The following RBFOX1 variants were observed in gnomAD, a reference collection of about 807,000 sequenced individuals.
RBFOX1 encodes the protein RNA binding fox-1 homolog 1.
RBFOX1 carries 8 observed loss-of-function variants against 57.7 expected under a neutral mutation model. The ratio of observed to expected loss-of-function variants is 0.14; its 90% CI spans 0.08 to 0.25. The LOEUF (loss-of-function observed/expected upper bound fraction) is 0.25. Among genes scored for constraint, RBFOX1 ranks in the 10% least tolerant of loss-of-function variants. The probability of loss-of-function intolerance (pLI) is 1.00; values close to 1 mark genes in which losing one functional copy is unlikely to be tolerated. For missense variants in RBFOX1, 611 were observed against 548.5 expected (o/e 1.11, Z -1.14); for synonymous variants, 326 against 222.4 (o/e 1.47, Z -4.15).
At chr16:6,505,628 T>C (rs7500875) in intron 2 of RBFOX1, among the ~76,000 whole-genome samples, 125,063 of 152,074 alleles carry the variant, frequency 0.82, 51,891 homozygotes, top group Non-Finnish European at 0.88. Flanking sequence ...GGTATTGATT[T>C]AATCCTCAAG....
chr16:5,578,768 C>A (rs904814753), intron 2 of RBFOX1, among the ~76,000 whole-genome samples: 1 of 151,876 alleles, frequency 6.6e-6, no homozygotes, highest in Admixed American at 6.6e-5. Context: ...AAAAATATCT[C>A]CACCGGGCCA....
intron 3 of RBFOX1, among the ~76,000 whole-genome samples, chr16:5,747,868 G>C (rs956136677): frequency 2.6e-5 from 4 of 151,956 alleles, no homozygotes; most frequent in African/African-American, 4.8e-5. Context: ...TTGTGTCTCT[G>C]TTTCCTTCAG....
chr16:6,105,082 G>A (rs895330810), intron 1 of RBFOX1, among the ~76,000 whole-genome samples: 3 of 152,172 alleles, frequency 2.0e-5, no homozygotes, highest in African/African-American at 4.8e-5. Flanking sequence ...AGCCAAGAAG[G>A]AGATGGTGAC....
chr16:7,108,180 G>A (rs556729956), intron 4 of RBFOX1, among the ~76,000 whole-genome samples: 1 of 152,224 alleles, frequency 6.6e-6, no homozygotes, highest in African/African-American at 2.4e-5. Flanking sequence ...TTTAATCTCT[G>A]ATGGTTCAGA....
chr16:6,558,815 G>C (rs2097140131), intron 2 of RBFOX1, among the ~76,000 whole-genome samples: 1 of 115,506 alleles, frequency 8.7e-6, no homozygotes, highest in Non-Finnish European at 1.6e-5. Flanking sequence ...ACTAGCTCTT[G>C]CCTTACCGCC....
intron 3 of RBFOX1, among the ~76,000 whole-genome samples, chr16:5,628,976 G>A (rs75593809): frequency 2.4e-4 from 37 of 152,326 alleles, no homozygotes; most frequent in Non-Finnish European, 4.1e-4. Context: ...AATGTCAACA[G>A]AGTAAACTGT....
At chr16:7,296,488 G>A (rs1396358995) in intron 4 of RBFOX1, among the ~76,000 whole-genome samples, 1 of 152,054 alleles carries the variant, frequency 6.6e-6, no homozygotes, top group Non-Finnish European at 1.5e-5. Flanking sequence ...AATCATTATA[G>A]TTCTGTAAGG....
intron 4 of RBFOX1, among the ~76,000 whole-genome samples, chr16:7,160,730 T>G (rs1264567133): frequency 1.3e-5 from 2 of 152,040 alleles, no homozygotes; most frequent in African/African-American, 4.8e-5. Context: ...TCAGGCAGTT[T>G]CTTAACATAG....
chr16:6,587,830 C>T (rs2097651768), intron 2 of RBFOX1, among the ~76,000 whole-genome samples: 1 of 152,176 alleles, frequency 6.6e-6, no homozygotes, highest in Non-Finnish European at 1.5e-5. Flanking sequence ...GTGACATTTA[C>T]TTTCTCTTTC....
intron 3 of RBFOX1, among the ~76,000 whole-genome samples, chr16:6,863,104 G>C (rs776208636): frequency 1.3e-5 from 2 of 152,122 alleles, no homozygotes; most frequent in Non-Finnish European, 2.9e-5. Context: ...GATTTTTACA[G>C]ATTATTGGTG....
At chr16:6,458,309 C>T (rs541345565) in intron 2 of RBFOX1, among the ~76,000 whole-genome samples, 1 of 152,184 alleles carries the variant, frequency 6.6e-6, no homozygotes, top group South Asian at 2.1e-4. Context: ...CCTGTGTTCT[C>T]AGTCTGGCTG....
intron 3 of RBFOX1, among the ~76,000 whole-genome samples, chr16:5,724,507 G>A (rs1404622189): frequency 2.0e-5 from 3 of 152,114 alleles, no homozygotes; most frequent in South Asian, 2.1e-4. Context: ...TTGAACCCAG[G>A]ACCCATTACC....
intron 2 of RBFOX1, among the ~76,000 whole-genome samples, chr16:6,381,932 T>C (rs2091856878): frequency 6.6e-6 from 1 of 152,224 alleles, no homozygotes; most frequent in African/African-American, 2.4e-5. Context: ...CATGTCCGGC[T>C]GGTCGATCAT....
At chr16:6,190,178 T>C (rs2097132924) in intron 1 of RBFOX1, among the ~76,000 whole-genome samples, 1 of 152,224 alleles carries the variant, frequency 6.6e-6, no homozygotes, top group Admixed American at 6.5e-5. Flanking sequence ...GTGCTTCAAA[T>C]TCTGTAGATG....
intron 1 of RBFOX1, among the ~76,000 whole-genome samples, chr16:6,140,074 G>A (rs1047551895): frequency 2.0e-5 from 3 of 152,114 alleles, no homozygotes; most frequent in Non-Finnish European, 4.4e-5. Flanking sequence ...TGAATGTTTG[G>A]GAGGCATGCA....
intron 3 of RBFOX1, among the ~76,000 whole-genome samples, chr16:6,866,581 C>G (rs11645105): frequency 0.22 from 26,730 of 121,580 alleles, 3,437 homozygotes; most frequent in Admixed American, 0.38. Context: ...TCGCTCTGTC[C>G]CCCAGGCTGG....
chr16:7,233,908 G>C (rs987114652), intron 4 of RBFOX1, among the ~76,000 whole-genome samples: 6 of 152,198 alleles, frequency 3.9e-5, no homozygotes, highest in African/African-American at 9.6e-5. Context: ...GAGCTACTCT[G>C]ACTCTTTGGC....
At chr16:6,077,203 C>T (rs2095916020) in intron 1 of RBFOX1, among the ~76,000 whole-genome samples, 1 of 152,162 alleles carries the variant, frequency 6.6e-6, no homozygotes, top group Non-Finnish European at 1.5e-5. Flanking sequence ...GCATTTCAGC[C>T]CCTGCCACGG....
intron 3 of RBFOX1, among the ~76,000 whole-genome samples, chr16:5,797,461 T>C (rs2054916645): frequency 6.6e-6 from 1 of 152,220 alleles, no homozygotes; most frequent in Non-Finnish European, 1.5e-5. Flanking sequence ...CTTGTTGTTT[T>C]GGCTGTATCT....
Sources: allele counts gnomAD v4.1 joint callset (sites outside exome capture counted in the v4.1 genomes callset), GRCh38; gene constraint gnomAD v4.1.1; transcripts MANE v1.5; gene names NCBI Gene and HGNC (gene_info 2026-07-23, HGNC 2026-07-21).